The following COL4A4 variants were observed in gnomAD, a reference collection of about 807,000 sequenced individuals.
The protein encoded by COL4A4 is collagen type IV alpha 4 chain, also known as collagen alpha-4(IV) chain.
A neutral mutation model predicts 192.9 loss-of-function variants in COL4A4; 105 were observed. The observed-to-expected ratio is 0.54, with a 90% CI of 0.46 to 0.64. The LOEUF is 0.64. Ranked by LOEUF, COL4A4 falls within the 30% of genes least tolerant of loss-of-function variation. The probability of loss-of-function intolerance (pLI) is 0.00; values close to 1 mark genes in which losing one functional copy is unlikely to be tolerated. For missense variants in COL4A4, 1,967 were observed against 2,169.3 expected (o/e 0.91, Z 1.85); for synonymous variants, 762 against 769.9 (o/e 0.99, Z 0.17).
intron 1 of COL4A4, among the ~76,000 whole-genome samples, chr2:227,150,514 T>C (rs1333932897): frequency 6.6e-6 from 1 of 152,176 alleles, no homozygotes; most frequent in Non-Finnish European, 1.5e-5. Context: ...TATCTTATAA[T>C]AAAAATTTTT....
intron 35 of COL4A4, among the ~76,000 whole-genome samples, chr2:227,045,545 A>G (rs534543409): frequency 6.6e-6 from 1 of 151,984 alleles, no homozygotes; most frequent in African/African-American, 2.4e-5. Flanking sequence ...CAAGGCAGGC[A>G]GATCACTTGA....
rs193063790 is a variant in COL4A4, at chr2:227,060,228, G to A, written c.2072C>T (p.Pro691Leu). 2 of 1,612,146 alleles carry A rather than the reference G, an allele frequency of 1.2e-6. No individual in the cohort carries two copies. The highest frequency in any genetic ancestry group is 2.2e-5 in the East Asian group (1 of 44,838). The change falls in exon 27 of 48, where the codon CCA becomes CTA. Residue 691 changes from proline (P) to leucine (L), a missense_variant. Physicochemically the swap from Pro to Leu is moderately conservative, Grantham distance 98. Transcript: ENST00000396625. Reference protein sequence around the residue: ...FDGPPGPKGFPGPQGAPGLSG... With the variant: ...FDGPPGPKGFLGPQGAPGLSG... The stretch of plus-strand genomic sequence containing the variant: ...CAGCCCAGGGGCACCTTGGGGACCT[G>A]GAAATCCCTTCGGACCTAAACAATA...
chr2:227,081,425 C>T (rs1187471345), intron 23 of COL4A4, among the ~76,000 whole-genome samples: 1 of 152,178 alleles, frequency 6.6e-6, no homozygotes, highest in Non-Finnish European at 1.5e-5. Flanking sequence ...GACTCTTAAA[C>T]TTACATCAGT....
intron 25 of COL4A4, among the ~76,000 whole-genome samples, chr2:227,066,885 A>G (rs1396721714): frequency 6.6e-6 from 1 of 151,780 alleles, no homozygotes; most frequent in Admixed American, 6.6e-5. Context: ...TTAAATGTAA[A>G]TGGACTAAAT....
chr2:227,030,881 G>T (rs1402902132), intron 40 of COL4A4, among the ~76,000 whole-genome samples: 1 of 151,964 alleles, frequency 6.6e-6, no homozygotes, highest in Non-Finnish European at 1.5e-5. Flanking sequence ...ATCATTTTGG[G>T]TTTTTGTTTG....
intron 3 of COL4A4, among the ~76,000 whole-genome samples, chr2:227,143,252 C>T (rs2063339754): frequency 6.6e-6 from 1 of 152,184 alleles, no homozygotes; most frequent in Admixed American, 6.5e-5. Flanking sequence ...ATTTAGGGAG[C>T]TCCCTTCTGT....
rs1961850738 is a variant in COL4A4 at position 227,005,239 on chromosome 2, A to T, written c.*2086T>A. 1 of 151,828 alleles carries T rather than the reference A, an allele frequency of 6.6e-6. No individual in the cohort carries two copies. The highest frequency in any genetic ancestry group is 2.1e-4 in the South Asian group (1 of 4,812). The allele number at this position is 151,828 out of a possible 1,614,324, so 9.4% of individuals were successfully genotyped here. On this transcript the variant is annotated 3_prime_UTR_variant, in exon 48 of 48. Transcript: ENST00000396625. Reference sequence around the variant, plus strand: ...TTTACTTATTTATTAACTTATGAAGATAATATTCTAATACCAACATTAAAG... The same window carrying T: ...TTTACTTATTTATTAACTTATGAAGTTAATATTCTAATACCAACATTAAAG...
In COL4A4 at chr2:227,096,146, T is replaced by A. The variant is rs1576469628; in HGVS notation, c.1205-1857A>T. 2.6e-5 allele frequency among the ~76,000 whole-genome samples: 4 copies of A among 152,268 alleles called. No individual in the cohort carries two copies. The East Asian group carries it at 5.8e-4, about 22-fold the overall frequency. On this transcript the variant is annotated intron_variant, in intron 19 of 47. Coordinates refer to ENST00000396625, the MANE Select transcript of COL4A4 (RefSeq NM_000092.5). ...AGAAAAGATGATTCAGCTTCTGCCT[T>A]GTGAGCCAAAACACTTGAGACTGAA... is the stretch of plus-strand genomic sequence containing the variant.
chr2:227,072,485 A>G (rs1487960410), intron 25 of COL4A4, among the ~76,000 whole-genome samples: 1 of 151,956 alleles, frequency 6.6e-6, no homozygotes, highest in Non-Finnish European at 1.5e-5. Context: ...AGAGAAAAGA[A>G]TTGGTACAAA....
chr2:227,032,722 G>A (rs1280435389), intron 38 of COL4A4, among the ~76,000 whole-genome samples: 1 of 152,176 alleles, frequency 6.6e-6, no homozygotes, highest in African/African-American at 2.4e-5. Context: ...TCTACTAAAT[G>A]AATCTTAAGT....
At chr2:227,071,157 A>G (rs1383562918) in intron 25 of COL4A4, among the ~76,000 whole-genome samples, 1 of 152,118 alleles carries the variant, frequency 6.6e-6, no homozygotes, top group Non-Finnish European at 1.5e-5. Context: ...TGTCTTTAAG[A>G]GGCTAACACA....
intron 3 of COL4A4, among the ~76,000 whole-genome samples, chr2:227,142,123 A>AATAGTCAC (rs1433411774): frequency 6.7e-6 from 1 of 150,200 alleles, no homozygotes; most frequent in Admixed American, 6.6e-5. Context: ...AAAAAACAGG[A>AATAGTCAC]ATAGTCACAT....
At chr2:227,157,839 AT>A (rs2064476667) in intron 1 of COL4A4, among the ~76,000 whole-genome samples, 1 of 152,192 alleles carries the variant, frequency 6.6e-6, no homozygotes, top group South Asian at 2.1e-4. Context: ...TAATGAAAAA[AT>A]AATACCAGTT....
the COL4A4 span, among the ~76,000 whole-genome samples, chr2:226,969,720 C>T: frequency 4.5e-4 from 69 of 152,254 alleles, no homozygotes; most frequent in African/African-American, 1.6e-3. Flanking sequence ...TCCATATGTT[C>T]CTGAGTCACT....
In COL4A4 at chr2:227,042,261, G is replaced by A. The variant is rs1971622185; in HGVS notation, c.3398-6C>T. ...CCCAGGCATCCCGTGATCACCTGAG[G>A]ATGACAGGGAAGTTTTGCAGATGGC... On this transcript the variant is annotated splice_region_variant and splice_polypyrimidine_tract_variant and intron_variant, in intron 36 of 47. Coordinates refer to ENST00000396625, the MANE Select transcript of COL4A4 (RefSeq NM_000092.5). 1 of 1,576,878 alleles carries A rather than the reference G, an allele frequency of 6.3e-7. No individual in the cohort carries two copies. The highest frequency in any genetic ancestry group is 1.3e-5 in the African/African-American group (1 of 74,310).
chr2:227,109,691 G>A (rs2061078898), intron 9 of COL4A4, among the ~76,000 whole-genome samples: 1 of 151,418 alleles, frequency 6.6e-6, no homozygotes, highest in Non-Finnish European at 1.5e-5. Context: ...AGATTGCAGT[G>A]AGCCGAGATT....
intron 4 of COL4A4, among the ~76,000 whole-genome samples, chr2:227,135,500 G>A (rs1327171524): frequency 6.6e-6 from 1 of 152,136 alleles, no homozygotes; most frequent in Admixed American, 6.5e-5. Context: ...CTAGTGTGTG[G>A]GGAGAAAGTC....
intron 7 of COL4A4, among the ~76,000 whole-genome samples, chr2:227,115,881 C>A (rs2061465386): frequency 6.6e-6 from 1 of 151,444 alleles, no homozygotes; most frequent in Non-Finnish European, 1.5e-5. Context: ...TTTCAGTCAC[C>A]ATTGTGTATT....
At chr2:226,993,778 C>G in the COL4A4 span, among the ~76,000 whole-genome samples, 2 of 152,144 alleles carry the variant, frequency 1.3e-5, no homozygotes, top group Non-Finnish European at 2.9e-5. Context: ...TTGAATTTCT[C>G]TTTGACAACG....
Sources: allele counts gnomAD v4.1 joint callset (sites outside exome capture counted in the v4.1 genomes callset), GRCh38; gene constraint gnomAD v4.1.1; transcripts MANE v1.5; gene names NCBI Gene and HGNC (gene_info 2026-07-23, HGNC 2026-07-21).